VPS13C: variants seen among roughly 807,000 people sequenced by gnomAD.
VPS13C encodes the protein vacuolar protein sorting 13 homolog C.
In VPS13C, 358 loss-of-function variants were observed where a neutral mutation model predicts 456.8. That is an observed-to-expected ratio of 0.78 (90% CI 0.72 to 0.86). The LOEUF is 0.86. Among genes scored for constraint, VPS13C ranks in the 40% least tolerant of loss-of-function variants. The pLI is 0.00. For missense variants in VPS13C, 4,818 were observed against 4,385.4 expected (o/e 1.10, Z -2.79); for synonymous variants, 1,578 against 1,486.7 (o/e 1.06, Z -1.41).
chr15:61,896,532 C>A (rs569780517), intron 66 of VPS13C, among the ~76,000 whole-genome samples: 1 of 149,624 alleles, frequency 6.7e-6, no homozygotes, highest in African/African-American at 2.5e-5. Flanking sequence ...CTGAATACTG[C>A]GCTTTTCCGA....
chr15:62,031,039 G>A (rs1242672796), intron 5 of VPS13C, among the ~76,000 whole-genome samples: 2 of 151,918 alleles, frequency 1.3e-5, no homozygotes, highest in African/African-American at 4.8e-5. Context: ...TAGCCTTCCA[G>A]AAAAATAAAC....
chr15:62,036,169 T>A (rs2047994422), intron 3 of VPS13C, among the ~76,000 whole-genome samples: 2 of 152,020 alleles, frequency 1.3e-5, no homozygotes, highest in South Asian at 4.1e-4. Context: ...TATAGGTCTC[T>A]CAGAGCTACT....
chr15:61,950,797 C>A (rs769025527), intron 40 of VPS13C, 148 bp downstream of exon 40: 1 of 595,314 alleles, frequency 1.7e-6, no homozygotes, highest in Non-Finnish European at 2.9e-6. Context: ...ATGAAAGTAT[C>A]CAGGATTTTC....
intron 8 of VPS13C, among the ~76,000 whole-genome samples, chr15:62,020,851 A>G (rs1249797155): frequency 6.6e-6 from 1 of 152,006 alleles, no homozygotes; most frequent in East Asian, 1.9e-4. Context: ...TATGTGTATA[A>G]TCAAAGATTT....
At chr15:61,869,932 C>A (rs983713952) in intron 79 of VPS13C, among the ~76,000 whole-genome samples, 4 of 152,272 alleles carry the variant, frequency 2.6e-5, no homozygotes, top group African/African-American at 4.8e-5. Flanking sequence ...AACTACTGAT[C>A]TAGGAGTCTC....
chr15:61,996,156 A>G (rs1467507975), intron 16 of VPS13C, among the ~76,000 whole-genome samples: 1 of 152,234 alleles, frequency 6.6e-6, no homozygotes, highest in African/African-American at 2.4e-5. Context: ...CAAGCTTCAC[A>G]TATGTGAAAC....
At chr15:61,902,734 A>G (rs2043038386) in intron 66 of VPS13C, among the ~76,000 whole-genome samples, 1 of 152,216 alleles carries the variant, frequency 6.6e-6, no homozygotes, top group Non-Finnish European at 1.5e-5. Flanking sequence ...ACCCACAGCT[A>G]ACATCATACC....
intron 22 of VPS13C, 42 bp downstream of exon 22, chr15:61,981,300 C>G (rs2045878388): frequency 1.4e-5 from 21 of 1,532,682 alleles, no homozygotes; most frequent in Non-Finnish European, 1.8e-5. Context: ...AGCTAGCAAG[C>G]AGGTCAAAGA....
At chr15:61,996,300 G>T (rs759694282) in intron 16 of VPS13C, among the ~76,000 whole-genome samples, 3 of 152,112 alleles carry the variant, frequency 2.0e-5, no homozygotes, top group African/African-American at 7.2e-5. Context: ...TTAAAGAGCT[G>T]AACTGAAATC....
intron 72 of VPS13C, 50 bp downstream of exon 72, chr15:61,880,793 A>C (rs1005907001): frequency 6.4e-6 from 10 of 1,554,440 alleles, no homozygotes; most frequent in Non-Finnish European, 8.7e-6. Flanking sequence ...AAAGAGGCTG[A>C]TTTAAATTTT....
chr15:61,979,579 C>A (rs1260765304), intron 22 of VPS13C, among the ~76,000 whole-genome samples: 1 of 152,138 alleles, frequency 6.6e-6, no homozygotes, highest in African/African-American at 2.4e-5. Flanking sequence ...AAGGTCAAGA[C>A]AATTTTGAAG....
chr15:61,993,853 G>A (rs1484533108), intron 16 of VPS13C, among the ~76,000 whole-genome samples: 2 of 152,014 alleles, frequency 1.3e-5, no homozygotes, highest in African/African-American at 4.8e-5. Flanking sequence ...TTTTGGTATT[G>A]TACTATATTA....
In VPS13C at chr15:61,929,546, T is replaced by A. The variant is rs191668294; in HGVS notation, c.6241A>T (p.Ile2081Phe). The A allele has an allele frequency of 9.6e-5, 155 of 1,614,128 alleles. 1 individual carries two copies. The East Asian group carries it at 3.3e-3, about 34-fold the overall frequency. ...CCTGTGGCAGTCTGTCTTGGTAAAATCTGTGTTTCTTTTGCCACATTTTCT... is the reference window on the plus strand; with the variant it reads ...CCTGTGGCAGTCTGTCTTGGTAAAAACTGTGTTTCTTTTGCCACATTTTCT... ...SPENVAKETQ[I>F]LPRQTATGKV... The change falls in exon 51 of 85, where the codon ATT (isoleucine) becomes TTT (phenylalanine). Residue 2081 changes from isoleucine (I) to phenylalanine (F), a missense_variant. Ile to Phe is a conservative substitution (Grantham distance 21, BLOSUM62 0). This residue lies in a region of VPS13C where 4,552 missense variants were observed against 4,130.6 expected (regional missense o/e 1.10). Transcript: ENST00000644861.
Position 62,037,252 on chromosome 15 carries a change from T to TA in VPS13C, c.188-2201_188-2200insT, listed in dbSNP as rs1491293083. Among the ~76,000 whole-genome samples, 105 of 22,146 alleles carry TA rather than the reference T, an allele frequency of 4.7e-3. 6 individuals are homozygous for TA. Among genetic ancestry groups the TA allele is most frequent in the East Asian group, 8.4e-3 (9 of 1,068 alleles). 14.5% of individuals were successfully genotyped at this position (22,146 alleles called of 152,430 possible). ...ATTATATATAAATATATATAATATA[T>TA]TTATATATATTATATTATATAATAT... On this transcript the variant is annotated intron_variant, in intron 3 of 84. Transcript: ENST00000644861.
intron 1 of VPS13C, among the ~76,000 whole-genome samples, chr15:62,054,703 C>T (rs2048731065): frequency 6.6e-6 from 1 of 151,182 alleles, no homozygotes; most frequent in African/African-American, 2.4e-5. Context: ...CCTGCACATT[C>T]TGCACATGTA....
At chr15:61,952,799 G>T (rs918388286) in intron 38 of VPS13C, among the ~76,000 whole-genome samples, 2 of 152,006 alleles carry the variant, frequency 1.3e-5, no homozygotes, top group African/African-American at 4.8e-5. Context: ...GCTCACTGCA[G>T]TCTTGACCTC....
chr15:62,038,359 C>T (rs1368590132), intron 3 of VPS13C, among the ~76,000 whole-genome samples: 1 of 152,172 alleles, frequency 6.6e-6, no homozygotes, highest in South Asian at 2.1e-4. Context: ...GAGGCCGAGG[C>T]GGATAGATCA....
At chr15:62,045,533 T>C (rs2048369936) in intron 1 of VPS13C, among the ~76,000 whole-genome samples, 2 of 151,828 alleles carry the variant, frequency 1.3e-5, no homozygotes, top group African/African-American at 2.4e-5. Context: ...CTGGAGGGTA[T>C]AAGAAAAGGA....
At chr15:61,970,805 G>A (rs1346530477) in intron 27 of VPS13C, among the ~76,000 whole-genome samples, 1 of 150,196 alleles carries the variant, frequency 6.7e-6, no homozygotes, top group Non-Finnish European at 1.5e-5. Context: ...TCTTGTCTTG[G>A]GTGGTCAGAT....
Sources: allele counts gnomAD v4.1 joint callset (sites outside exome capture counted in the v4.1 genomes callset), GRCh38; gene constraint gnomAD v4.1.1; regional missense constraint gnomAD v4.1.1; transcripts MANE v1.5; gene names NCBI Gene and HGNC (gene_info 2026-07-23, HGNC 2026-07-21).